The following FSHR variants were observed in gnomAD, a reference collection of about 807,000 sequenced individuals.
FSHR encodes follicle stimulating hormone receptor.
In FSHR, 46 loss-of-function variants were observed where a neutral mutation model predicts 52.1. The ratio of observed to expected loss-of-function variants is 0.88; its 90% confidence interval spans 0.70 to 1.13. FSHR has a LOEUF of 1.13. FSHR is among the 50% of genes most tolerant of loss of function. The pLI, the probability that FSHR is intolerant of heterozygous loss-of-function variation, is 0.00. For missense variants in FSHR, 964 were observed against 834.6 expected, an observed-to-expected ratio of 1.16 and a Z score of -1.91; for synonymous variants, 399 against 309.6, an observed-to-expected ratio of 1.29 and a Z score of -3.03.
At chr2:49,078,681 T>C (rs572460649) in intron 1 of FSHR, among the ~76,000 whole-genome samples, 1 of 152,102 alleles carries the variant, frequency 6.6e-6, no homozygotes, top group South Asian at 2.1e-4. Flanking sequence ...TTGATAAAAA[T>C]GGAAATCTAT....
chr2:48,988,474 A>C (rs1675618544), intron 6 of FSHR, among the ~76,000 whole-genome samples: 1 of 152,232 alleles, frequency 6.6e-6, no homozygotes, highest in South Asian at 2.1e-4. Flanking sequence ...AATGCTTTTA[A>C]GAGATTTCCC....
At chr2:48,998,028 G>T (rs928819386) in intron 4 of FSHR, among the ~76,000 whole-genome samples, 4 of 152,060 alleles carry the variant, frequency 2.6e-5, no homozygotes, top group African/African-American at 9.7e-5. Flanking sequence ...TTTAGCCTCT[G>T]GCTCCTGGGT....
intron 2 of FSHR, among the ~76,000 whole-genome samples, chr2:49,057,957 A>T (rs1013031065): frequency 3.3e-5 from 5 of 152,204 alleles, no homozygotes; most frequent in Non-Finnish European, 7.3e-5. Flanking sequence ...GCATTTGGTA[A>T]AATTCAACAT....
intron 1 of FSHR, among the ~76,000 whole-genome samples, chr2:49,141,642 G>A (rs1048934580): frequency 6.6e-6 from 1 of 151,998 alleles, no homozygotes; most frequent in African/African-American, 2.4e-5. Context: ...AAACTATGTC[G>A]CCAACCCTGA....
rs183891275 is a variant in FSHR, at chr2:49,004,195, A to G, written c.374+13294T>C. ...CCTCTTAAATATCATTTCCACATCC[A>G]GTGCCTCTCAGGCTCTGCTGAGGTG... On this transcript the variant is annotated intron_variant, in intron 4 of 9. Transcript: ENST00000406846. Among the ~76,000 whole-genome samples the G allele has an allele frequency of 1.5e-3, 229 of 152,284 alleles. 2 individuals carry two copies. The highest frequency in any genetic ancestry group is 6.8e-3 in the Middle Eastern group (2 of 294).
At position 49,061,291 on chromosome 2, in the gene FSHR, G is replaced by T. The variant is rs183904836; in HGVS notation, c.224+6928C>A. ...AGCTGCTGTGAGCATCTAAGTATAT[G>T]CTGCTGATATGAAGCACACCTCTCA... On this transcript the variant is annotated intron_variant, in intron 2 of 9. Coordinates refer to ENST00000406846, the MANE Select transcript of FSHR (RefSeq NM_000145.4). 6.1e-3 allele frequency among the ~76,000 whole-genome samples: 922 copies of T among 152,116 alleles called. 9 individuals are homozygous for T. The highest frequency in any genetic ancestry group is 0.021 in the African/African-American group (861 of 41,520).
chr2:49,047,996 A>G (rs1192584796), intron 2 of FSHR, among the ~76,000 whole-genome samples: 1 of 152,148 alleles, frequency 6.6e-6, no homozygotes, highest in Non-Finnish European at 1.5e-5. Context: ...CTCCTGCCTC[A>G]GCCTCCCAAG....
At chr2:49,078,947 A>G (rs1670057073) in intron 1 of FSHR, among the ~76,000 whole-genome samples, 1 of 152,186 alleles carries the variant, frequency 6.6e-6, no homozygotes, top group South Asian at 2.1e-4. Context: ...TGTCAGAATT[A>G]CTGATGAAAA....
At chr2:49,042,685 A>G (rs1434448179) in intron 2 of FSHR, among the ~76,000 whole-genome samples, 1 of 152,224 alleles carries the variant, frequency 6.6e-6, no homozygotes, top group African/African-American at 2.4e-5. Context: ...TCATGACTTC[A>G]AATGGTGCAT....
At chr2:49,138,228 T>C (rs193060738) in intron 1 of FSHR, among the ~76,000 whole-genome samples, 36 of 152,120 alleles carry the variant, frequency 2.4e-4, no homozygotes, top group Non-Finnish European at 4.7e-4. Flanking sequence ...GCAATTACAA[T>C]GATGTGAAAA....
At chr2:49,019,199 A>C (rs1246069453) in intron 3 of FSHR, among the ~76,000 whole-genome samples, 1 of 152,218 alleles carries the variant, frequency 6.6e-6, no homozygotes, top group Non-Finnish European at 1.5e-5. Flanking sequence ...AGCATATTAT[A>C]GACTCTGAAA....
At chr2:49,120,099 A>G (rs898557040) in intron 1 of FSHR, among the ~76,000 whole-genome samples, 2 of 152,100 alleles carry the variant, frequency 1.3e-5, no homozygotes, top group African/African-American at 2.4e-5. Context: ...GTGACGCCCC[A>G]TCTCTACTAA....
chr2:49,116,433 T>G (rs1671603174), intron 1 of FSHR, among the ~76,000 whole-genome samples: 1 of 152,146 alleles, frequency 6.6e-6, no homozygotes, highest in African/African-American at 2.4e-5. Flanking sequence ...AGTTTTAGTC[T>G]TTGTTAGGCT....
chr2:49,112,999 A>G (rs1032237977), intron 1 of FSHR, among the ~76,000 whole-genome samples: 1 of 152,164 alleles, frequency 6.6e-6, no homozygotes. Context: ...AAAAGCCTCC[A>G]TGAGTGTGGA....
intron 1 of FSHR, among the ~76,000 whole-genome samples, chr2:49,125,584 C>A (rs561208245): frequency 7.9e-5 from 12 of 152,200 alleles, no homozygotes; most frequent in Non-Finnish European, 1.8e-4. Flanking sequence ...AGCACTGTCT[C>A]GCACACAGTA....
intron 2 of FSHR, among the ~76,000 whole-genome samples, chr2:49,036,208 G>A (rs1668266512): frequency 6.6e-6 from 1 of 152,110 alleles, no homozygotes; most frequent in South Asian, 2.1e-4. Flanking sequence ...TATCCAAATT[G>A]TGATGAGAGG....
chr2:49,013,764 G>T (rs1481228659), intron 4 of FSHR, among the ~76,000 whole-genome samples: 1 of 151,666 alleles, frequency 6.6e-6, no homozygotes, highest in African/African-American at 2.4e-5. Flanking sequence ...TAACTGCAAT[G>T]AATTGAACGT....
At chr2:49,101,170 A>G (rs1671013287) in intron 1 of FSHR, among the ~76,000 whole-genome samples, 1 of 152,194 alleles carries the variant, frequency 6.6e-6, no homozygotes, top group Non-Finnish European at 1.5e-5. Flanking sequence ...AAAACAGCAA[A>G]TGTAAAATAA....
In FSHR at chr2:48,968,530, CTA is replaced by C. The variant is rs112256472; in HGVS notation, c.854+166_854+167del. On this transcript the variant is annotated intron_variant, in intron 9 of 9. Coordinates refer to ENST00000406846, the MANE Select transcript of FSHR (RefSeq NM_000145.4). ...CTTTCAAAGAAATGAAAGAGTTCAACTATTCCTCACTCTCCATGAACTGAATT... is the reference window on the plus strand; with the variant it reads ...CTTTCAAAGAAATGAAAGAGTTCAACTTCCTCACTCTCCATGAACTGAATT... Among the ~76,000 whole-genome samples, 708 of 152,374 alleles carry C rather than the reference CTA, an allele frequency of 4.6e-3. 6 individuals carry two copies. The highest frequency in any genetic ancestry group is 0.016 in the African/African-American group (682 of 41,586).
Sources: allele counts gnomAD v4.1 joint callset (sites outside exome capture counted in the v4.1 genomes callset), GRCh38; gene constraint gnomAD v4.1.1; transcripts MANE v1.5; gene names NCBI Gene and HGNC (gene_info 2026-07-23, HGNC 2026-07-21).